Variants in SLC4A10 observed in about 807,000 individuals in gnomAD.
SLC4A10 encodes solute carrier family 4 member 10, also known as sodium-driven chloride bicarbonate exchanger.
In SLC4A10, 42 loss-of-function variants were observed where a neutral mutation model predicts 137.7. That is an observed-to-expected ratio of 0.30 (90% CI 0.24 to 0.39). The LOEUF is 0.39. Among genes scored for constraint, SLC4A10 ranks in the 10% least tolerant of loss-of-function variants. The pLI is 1.00. For synonymous variants in SLC4A10, 474 were observed against 464.1 expected, an observed-to-expected ratio of 1.02 and a Z score of -0.27; for missense variants, 925 against 1,355.0, an observed-to-expected ratio of 0.68 and a Z score of 4.98.
intron 10 of SLC4A10, among the ~76,000 whole-genome samples, chr2:161,887,298 T>C (rs1007126016): frequency 6.6e-6 from 1 of 152,104 alleles, no homozygotes; most frequent in Non-Finnish European, 1.5e-5. Flanking sequence ...ATCTTTATAG[T>C]AGAATGATTT....
intron 3 of SLC4A10, among the ~76,000 whole-genome samples, chr2:161,819,403 A>G (rs1257055982): frequency 6.6e-6 from 1 of 152,146 alleles, no homozygotes; most frequent in African/African-American, 2.4e-5. Flanking sequence ...AATAAATATA[A>G]TAAATATATT....
intron 2 of SLC4A10, among the ~76,000 whole-genome samples, chr2:161,791,928 G>T (rs959551284): frequency 6.6e-6 from 1 of 152,084 alleles, no homozygotes; most frequent in South Asian, 2.1e-4. Flanking sequence ...GCATGTGTTT[G>T]CATGTGGATA....
At chr2:161,836,516 GAA>G (rs1355261263) in intron 3 of SLC4A10, among the ~76,000 whole-genome samples, 19 of 77,372 alleles carry the variant, frequency 2.5e-4, no homozygotes, top group Non-Finnish European at 3.8e-4. Context: ...AAGAAAGAAA[GAA>G]AGAGAGAGAG....
In SLC4A10 at chr2:161,894,845, T is replaced by C. The variant is rs893830722; in HGVS notation, c.1341+20T>C. 9 of 1,324,924 alleles carry C rather than the reference T, an allele frequency of 6.8e-6. No homozygotes were observed. The highest frequency in any genetic ancestry group is 2.0e-4 in the Middle Eastern group (1 of 4,958). The allele number at this position is 1,324,924 out of a possible 1,614,324, so 82.1% of individuals were successfully genotyped here. Reference sequence around the variant, plus strand: ...TCCCAGGTATGTATATTTGAAGACATTCTTTGAAATTGAATTTTTTTTTGT... The same window carrying C: ...TCCCAGGTATGTATATTTGAAGACACTCTTTGAAATTGAATTTTTTTTTGT... On this transcript the variant is annotated intron_variant, in intron 11 of 26. Transcript: ENST00000446997.
At chr2:161,709,770 C>G (rs1227836486) in intron 1 of SLC4A10, 1 of 151,508 alleles carries the variant, frequency 6.6e-6, no homozygotes, top group African/African-American at 2.4e-5. Context: ...AGCATGTCCT[C>G]AGAATTATAT....
intron 16 of SLC4A10, 119 bp downstream of exon 16, chr2:161,943,016 T>G (rs1026122797): frequency 3.0e-6 from 2 of 672,634 alleles, no homozygotes; most frequent in Admixed American, 5.3e-5. Context: ...TAGTTGTGTT[T>G]TAATTTTAAT....
intron 6 of SLC4A10, among the ~76,000 whole-genome samples, chr2:161,867,530 C>T (rs1251376282): frequency 1.3e-5 from 2 of 151,972 alleles, no homozygotes; most frequent in Non-Finnish European, 2.9e-5. Context: ...ATTGTTGACA[C>T]AACTGATGGG....
intron 3 of SLC4A10, among the ~76,000 whole-genome samples, chr2:161,838,588 TGTC>T (rs1337965755): frequency 1.3e-5 from 2 of 152,118 alleles, no homozygotes; most frequent in Admixed American, 1.3e-4. Context: ...GTTCAAAAAA[TGTC>T]GTGTATCCAG....
intron 1 of SLC4A10, among the ~76,000 whole-genome samples, chr2:161,737,177 T>A (rs959938989): frequency 6.6e-6 from 1 of 152,166 alleles, no homozygotes; most frequent in African/African-American, 2.4e-5. Flanking sequence ...TCTATAAATG[T>A]AAATTTTTTT....
chr2:161,707,461 G>A (rs1002658785), intron 1 of SLC4A10, among the ~76,000 whole-genome samples: 1 of 150,224 alleles, frequency 6.7e-6, no homozygotes, highest in Non-Finnish European at 1.5e-5. Context: ...TATAATCTTA[G>A]TCTTTTTTTT....
intron 3 of SLC4A10, among the ~76,000 whole-genome samples, chr2:161,808,209 T>C (rs1466970377): frequency 1.3e-5 from 2 of 152,186 alleles, no homozygotes; most frequent in Non-Finnish European, 1.5e-5. Context: ...CTCCCACTTA[T>C]TTAAATTCTT....
chr2:161,650,336 T>C (rs1340758023), intron 1 of SLC4A10, among the ~76,000 whole-genome samples: 6 of 152,182 alleles, frequency 3.9e-5, no homozygotes, highest in African/African-American at 1.2e-4. Context: ...TCATATCAGG[T>C]GGTGTGTTAC....
intron 15 of SLC4A10, among the ~76,000 whole-genome samples, chr2:161,927,372 T>C (rs1296505314): frequency 6.6e-6 from 1 of 152,182 alleles, no homozygotes; most frequent in Non-Finnish European, 1.5e-5. Context: ...GCTTCTGCAT[T>C]CTTTACGTAG....
At chr2:161,788,399 G>A (rs2053861852) in intron 2 of SLC4A10, among the ~76,000 whole-genome samples, 1 of 151,974 alleles carries the variant, frequency 6.6e-6, no homozygotes, top group African/African-American at 2.4e-5. Context: ...TTAAGAGTAA[G>A]AATCCACTCA....
chr2:161,715,897 A>G (rs1292006643), intron 1 of SLC4A10, among the ~76,000 whole-genome samples: 1 of 152,106 alleles, frequency 6.6e-6, no homozygotes, highest in East Asian at 1.9e-4. Flanking sequence ...CAGGTCTTTG[A>G]GGAATTGCCA....
chr2:161,629,710 C>G (rs1344391765), intron 1 of SLC4A10, among the ~76,000 whole-genome samples: 1 of 151,882 alleles, frequency 6.6e-6, no homozygotes, highest in Non-Finnish European at 1.5e-5. Flanking sequence ...ATTCATCCCT[C>G]CCTTTCCACT....
chr2:161,883,740 C>T (rs1273455658), intron 10 of SLC4A10, among the ~76,000 whole-genome samples: 1 of 152,056 alleles, frequency 6.6e-6, no homozygotes, highest in African/African-American at 2.4e-5. Context: ...GGCAATAGAC[C>T]TTTGTTCTCT....
chr2:161,833,037 G>A (rs529990867), intron 3 of SLC4A10, among the ~76,000 whole-genome samples: 4 of 152,338 alleles, frequency 2.6e-5, no homozygotes, highest in African/African-American at 4.8e-5. Flanking sequence ...GCGCCACCGC[G>A]CCCGGCCGCA....
chr2:161,817,694 C>A (rs375660832), intron 3 of SLC4A10, among the ~76,000 whole-genome samples: 23 of 152,170 alleles, frequency 1.5e-4, no homozygotes, highest in South Asian at 4.2e-4. Context: ...AGCTTTCTAC[C>A]TATGGCTAGC....
Sources: gnomAD v4.1 joint callset for allele counts (sites outside exome capture counted in the v4.1 genomes callset) on GRCh38, gnomAD v4.1.1 for gene constraint, MANE v1.5 for transcripts, NCBI Gene and HGNC (gene_info 2026-07-23, HGNC 2026-07-21) for gene names.